DENND1A: variants seen among roughly 807,000 people sequenced by gnomAD.
The protein encoded by DENND1A is DENN domain-containing protein 1A.
A neutral mutation model predicts 113.7 loss-of-function variants in DENND1A; 51 were observed. The observed-to-expected ratio is 0.45, with a 90% CI of 0.36 to 0.57. The LOEUF (loss-of-function observed/expected upper bound fraction) is 0.57. Among genes scored for constraint, DENND1A ranks in the 20% least tolerant of loss-of-function variants. DENND1A has a pLI of 0.00. For synonymous variants in DENND1A, 565 were observed against 570.8 expected (o/e 0.99, Z 0.14); for missense variants, 1,258 against 1,395.9 (o/e 0.90, Z 1.57).
chr9:123,525,904 C>T (rs2054800747), intron 13 of DENND1A, among the ~76,000 whole-genome samples: 1 of 151,896 alleles, frequency 6.6e-6, no homozygotes, highest in Admixed American at 6.6e-5. Flanking sequence ...ACTACAGGTG[C>T]ACACCACCAT....
At chr9:123,822,306 G>A (rs1294860483) in intron 2 of DENND1A, among the ~76,000 whole-genome samples, 2 of 152,290 alleles carry the variant, frequency 1.3e-5, no homozygotes, top group Admixed American at 6.5e-5. Context: ...AACTTTATAT[G>A]AGACAGGTGT....
intron 11 of DENND1A, among the ~76,000 whole-genome samples, chr9:123,585,720 C>T (rs969963450): frequency 6.6e-6 from 1 of 152,190 alleles, no homozygotes; most frequent in African/African-American, 2.4e-5. Flanking sequence ...ATCAATGGGG[C>T]TGGAGGTGAG....
At chr9:123,458,783 G>A (rs1259674985) in intron 13 of DENND1A, among the ~76,000 whole-genome samples, 1 of 152,134 alleles carries the variant, frequency 6.6e-6, no homozygotes, top group Non-Finnish European at 1.5e-5. Context: ...CCAACCTGCA[G>A]AAACCCCGTC....
At chr9:123,514,065 G>GGTGTGTGT (rs775882728) in intron 13 of DENND1A, among the ~76,000 whole-genome samples, 4,096 of 109,254 alleles carry the variant, frequency 0.037, 150 homozygotes, top group African/African-American at 0.087. Flanking sequence ...TCTATTTTGA[G>GGTGTGTGT]GTGTGTGTGT....
intron 18 of DENND1A, among the ~76,000 whole-genome samples, chr9:123,446,419 G>A (rs1286521617): frequency 1.3e-5 from 2 of 152,184 alleles, no homozygotes; most frequent in East Asian, 1.9e-4. Context: ...TAGCTCTCCC[G>A]GCCCCACGCA....
At chr9:123,647,900 T>A (rs1390959974) in intron 9 of DENND1A, among the ~76,000 whole-genome samples, 1 of 152,150 alleles carries the variant, frequency 6.6e-6, no homozygotes, top group Non-Finnish European at 1.5e-5. Flanking sequence ...GACCAAGGGG[T>A]GTGTGTATAC....
At chr9:123,703,897 C>A (rs1368325755) in intron 5 of DENND1A, among the ~76,000 whole-genome samples, 1 of 151,996 alleles carries the variant, frequency 6.6e-6, no homozygotes, top group African/African-American at 2.4e-5. Context: ...GGTTATACAT[C>A]TGTATACATT....
rs569931679 is a variant in DENND1A, at chr9:123,707,909, G to C, written c.303-31120C>G. On this transcript the variant is annotated intron_variant, in intron 5 of 23. Transcript: ENST00000394215. ...CAAGTAGAGAGGGGGAAATAATTCA[G>C]AATGGGAAGAAGAAAACTGATGGAA... Among the ~76,000 whole-genome samples the C allele has an allele frequency of 5.9e-5, 9 of 152,334 alleles. No homozygotes were observed. The South Asian group carries it at 6.2e-4, about 11-fold the overall frequency.
chr9:123,748,451 G>A (rs916283994), intron 5 of DENND1A, among the ~76,000 whole-genome samples: 1 of 152,152 alleles, frequency 6.6e-6, no homozygotes, highest in East Asian at 1.9e-4. Flanking sequence ...ATGGTACTAC[G>A]ATTTTTCTGT....
At chr9:123,418,692 C>T (rs577649616) in intron 19 of DENND1A, among the ~76,000 whole-genome samples, 237 of 152,338 alleles carry the variant, frequency 1.6e-3, no homozygotes, top group Non-Finnish European at 3.0e-3. Flanking sequence ...GCTGCCGGTG[C>T]TTCCAGGGCC....
intron 9 of DENND1A, among the ~76,000 whole-genome samples, chr9:123,640,869 G>A (rs1390661009): frequency 2.0e-5 from 3 of 152,320 alleles, no homozygotes; most frequent in East Asian, 1.9e-4. Flanking sequence ...AGTACAAGGC[G>A]GAGGCAGAAG....
At chr9:123,419,548 A>G (rs2045055442) in intron 19 of DENND1A, among the ~76,000 whole-genome samples, 1 of 152,262 alleles carries the variant, frequency 6.6e-6, no homozygotes, top group South Asian at 2.1e-4. Context: ...GCTAGTAGCC[A>G]CATCAATGCT....
At chr9:123,743,457 C>T (rs888010116) in intron 5 of DENND1A, among the ~76,000 whole-genome samples, 3 of 151,552 alleles carry the variant, frequency 2.0e-5, no homozygotes, top group South Asian at 4.2e-4. Flanking sequence ...ATAGGCCGGG[C>T]GCGGTGGCTC....
At chr9:123,885,875 G>A (rs1055891370) in intron 1 of DENND1A, among the ~76,000 whole-genome samples, 6 of 152,096 alleles carry the variant, frequency 3.9e-5, no homozygotes, top group Non-Finnish European at 7.4e-5. Context: ...CGCCTCCCGG[G>A]TTCAAGTGAT....
At chr9:123,789,363 T>C (rs573654786) in intron 3 of DENND1A, among the ~76,000 whole-genome samples, 1 of 152,246 alleles carries the variant, frequency 6.6e-6, no homozygotes, top group African/African-American at 2.4e-5. Context: ...ATTACATTTT[T>C]TATGAAACAG....
intron 21 of DENND1A, chr9:123,401,433 CT>C: frequency 9.5e-7 from 1 of 1,051,306 alleles, no homozygotes; most frequent in Non-Finnish European, 1.2e-6. Context: ...ACAACTTCCC[CT>C]TCCTCGTTAA....
At chr9:123,866,265 C>T (rs1443468332) in intron 2 of DENND1A, among the ~76,000 whole-genome samples, 2 of 152,204 alleles carry the variant, frequency 1.3e-5, no homozygotes, top group East Asian at 3.8e-4. Context: ...GCATCTGGCT[C>T]TTTCTCACAA....
At position 123,630,411 on chromosome 9, in the gene DENND1A, G is replaced by T; in HGVS notation, c.684C>A (p.Ile228=). ...LYPMYWQHVY[I]PVLPPHLLDY... ...CCAGCAGATGCGGCGGCAGCACGGG[G>T]ATGTACACGTGCTGCCAGTACATGG... The change falls in exon 10 of 24, where the codon ATC becomes ATA. Residue 228 remains isoleucine, a synonymous_variant. Transcript: ENST00000394215. 1.2e-6 allele frequency: 2 copies of T among 1,604,358 alleles called. No individual in the cohort carries two copies. Among genetic ancestry groups the T allele is most frequent in the South Asian group, 2.2e-5 (2 of 89,804 alleles).
At chr9:123,427,102 G>A (rs977728273) in intron 19 of DENND1A, among the ~76,000 whole-genome samples, 4 of 152,226 alleles carry the variant, frequency 2.6e-5, no homozygotes, top group Non-Finnish European at 5.9e-5. Context: ...CCACCCTGAG[G>A]ACCAAACTTG....
Sources: allele counts gnomAD v4.1 joint callset (sites outside exome capture counted in the v4.1 genomes callset), GRCh38; gene constraint gnomAD v4.1.1; transcripts MANE v1.5; gene names NCBI Gene and HGNC (gene_info 2026-07-23, HGNC 2026-07-21).